BBS9: variants seen among roughly 807,000 people sequenced by gnomAD.
The protein encoded by BBS9 is Bardet-Biedl syndrome 9, also known as protein PTHB1.
In BBS9, 89 loss-of-function variants were observed where a neutral mutation model predicts 117.7. The observed-to-expected ratio is 0.76, with a 90% CI of 0.64 to 0.90. The LOEUF is 0.90. Among genes scored for constraint, BBS9 ranks in the 40% least tolerant of loss-of-function variants. The probability of loss-of-function intolerance (pLI) is 0.00; values close to 1 mark genes in which losing one functional copy is unlikely to be tolerated. For missense variants in BBS9, 982 were observed against 1,042.2 expected (o/e 0.94, Z 0.80); for synonymous variants, 379 against 370.9 (o/e 1.02, Z -0.25).
At chr7:33,150,933 A>G (rs1401781841) in intron 2 of BBS9, among the ~76,000 whole-genome samples, 1 of 152,222 alleles carries the variant, frequency 6.6e-6, no homozygotes, top group Admixed American at 6.5e-5. Context: ...AGCATTTAAA[A>G]TAAAGTTACT....
chr7:33,526,023 G>C (rs1849437618), intron 20 of BBS9, among the ~76,000 whole-genome samples: 1 of 151,688 alleles, frequency 6.6e-6, no homozygotes, highest in Non-Finnish European at 1.5e-5. Context: ...AGTGTGGCTG[G>C]ATATGAAATT....
At chr7:33,341,613 C>T (rs1371929151) in intron 11 of BBS9, among the ~76,000 whole-genome samples, 1 of 141,738 alleles carries the variant, frequency 7.1e-6, no homozygotes, top group Admixed American at 7.4e-5. Flanking sequence ...CATCAAATTA[C>T]ATTTTACTTC....
chr7:33,510,210 A>T (rs1469727998), intron 20 of BBS9, among the ~76,000 whole-genome samples: 1 of 152,164 alleles, frequency 6.6e-6, no homozygotes, highest in African/African-American at 2.4e-5. Flanking sequence ...GGGCAATTTT[A>T]AAATAAATTG....
chr7:33,231,504 T>C (rs1028253591), intron 5 of BBS9, among the ~76,000 whole-genome samples: 3 of 148,932 alleles, frequency 2.0e-5, no homozygotes, highest in African/African-American at 7.4e-5. Flanking sequence ...AGTCAGAGAG[T>C]GTGGTGCCTC....
At chr7:33,239,287 T>A (rs1222132737) in intron 5 of BBS9, among the ~76,000 whole-genome samples, 1 of 152,210 alleles carries the variant, frequency 6.6e-6, no homozygotes, top group Non-Finnish European at 1.5e-5. Context: ...AACTTTCTCA[T>A]TTAATCCTTA....
intron 20 of BBS9, among the ~76,000 whole-genome samples, chr7:33,528,330 TTTTG>T (rs139460908): frequency 5.3e-5 from 8 of 151,986 alleles, no homozygotes; most frequent in Middle Eastern, 3.2e-3. Flanking sequence ...TCTCGTGGTT[TTTTG>T]TTTGTTTGTT....
chr7:33,378,715 A>G (rs1314392817), intron 17 of BBS9, among the ~76,000 whole-genome samples: 1 of 152,348 alleles, frequency 6.6e-6, no homozygotes, highest in Middle Eastern at 3.4e-3. Context: ...AGTTTGGGGC[A>G]CTGCTGCCTT....
intron 21 of BBS9, among the ~76,000 whole-genome samples, chr7:33,572,588 A>T (rs1857998655): frequency 6.6e-6 from 1 of 152,048 alleles, no homozygotes; most frequent in South Asian, 2.1e-4. Context: ...CTTTCCCCAC[A>T]TCCTCACCAA....
intron 20 of BBS9, among the ~76,000 whole-genome samples, chr7:33,526,561 T>G (rs1388735089): frequency 6.6e-6 from 1 of 150,932 alleles, no homozygotes; most frequent in African/African-American, 2.4e-5. Flanking sequence ...GCTTCTGCAT[T>G]CTTCACGTAG....
intron 21 of BBS9, among the ~76,000 whole-genome samples, chr7:33,572,168 A>G (rs904639350): frequency 2.0e-5 from 3 of 152,028 alleles, no homozygotes; most frequent in African/African-American, 7.2e-5. Flanking sequence ...GCTTCCACAT[A>G]TGAGTTAAGG....
intron 19 of BBS9, among the ~76,000 whole-genome samples, chr7:33,421,315 G>T (rs375978194): frequency 2.0e-5 from 3 of 152,154 alleles, no homozygotes; most frequent in African/African-American, 7.2e-5. Flanking sequence ...AGATCTAGTC[G>T]TGAGGGAGTG....
chr7:33,299,450 G>A (rs1374855035), intron 9 of BBS9, among the ~76,000 whole-genome samples: 1 of 151,530 alleles, frequency 6.6e-6, no homozygotes, highest in East Asian at 1.9e-4. Context: ...ATAAGATTGA[G>A]CTAATTTATG....
chr7:33,582,272 T>C (rs559741480), intron 21 of BBS9, among the ~76,000 whole-genome samples: 14 of 152,118 alleles, frequency 9.2e-5, no homozygotes, highest in Non-Finnish European at 1.6e-4. Flanking sequence ...GTAAACTGTA[T>C]GCATGCAAAA....
chr7:33,134,436 G>T (rs908490781), intron 1 of BBS9, among the ~76,000 whole-genome samples: 4 of 151,788 alleles, frequency 2.6e-5, no homozygotes, highest in Non-Finnish European at 5.9e-5. Flanking sequence ...CAGACCCATT[G>T]TTCATTTTTA....
intron 19 of BBS9, among the ~76,000 whole-genome samples, chr7:33,471,732 G>T (rs1169418622): frequency 1.3e-5 from 2 of 152,214 alleles, no homozygotes; most frequent in African/African-American, 4.8e-5. Flanking sequence ...AGGCAGCTGG[G>T]CAACAGAGGG....
intron 9 of BBS9, among the ~76,000 whole-genome samples, chr7:33,299,568 T>C (rs1397978893): frequency 6.7e-6 from 1 of 148,968 alleles, no homozygotes; most frequent in Non-Finnish European, 1.5e-5. Context: ...ATCAATATTA[T>C]TATAATTTAG....
chr7:33,376,819 G>A (rs746098571), intron 17 of BBS9, among the ~76,000 whole-genome samples: 2 of 152,080 alleles, frequency 1.3e-5, no homozygotes, highest in Non-Finnish European at 2.9e-5. Context: ...ATTATTTCAT[G>A]TGCTTGTTGG....
At chr7:33,414,890 G>A (rs1334899900) in intron 19 of BBS9, among the ~76,000 whole-genome samples, 2 of 152,144 alleles carry the variant, frequency 1.3e-5, no homozygotes, top group African/African-American at 2.4e-5. Flanking sequence ...TCAGTTTACC[G>A]TCGACTATTT....
In BBS9 at chr7:33,480,131, A is replaced by G. The variant is rs576127623; in HGVS notation, c.2116-25332A>G. Among the ~76,000 whole-genome samples the G allele has an allele frequency of 6.6e-5, 10 of 152,342 alleles. No individual in the cohort carries two copies. In the South Asian group the frequency reaches 1.9e-3, roughly 28 times the overall value. ...ATGCTCAGTAAGGAGGAAAGTCTCA[A>G]TAAAGGTTTTAGGTAAGTGGAAACA... On this transcript the variant is annotated intron_variant, in intron 19 of 22. Coordinates refer to ENST00000242067, the MANE Select transcript of BBS9 (RefSeq NM_198428.3).
Sources: gnomAD v4.1 joint callset for allele counts (sites outside exome capture counted in the v4.1 genomes callset) on GRCh38, gnomAD v4.1.1 for gene constraint, MANE v1.5 for transcripts, NCBI Gene and HGNC (gene_info 2026-07-23, HGNC 2026-07-21) for gene names.